The following ST8SIA6 variants were observed in gnomAD, a reference collection of about 807,000 sequenced individuals.
The protein encoded by ST8SIA6 is ST8 alpha-N-acetyl-neuraminide alpha-2,8-sialyltransferase 6.
A neutral mutation model predicts 33.6 loss-of-function variants in ST8SIA6; 39 were observed. That is an observed-to-expected ratio of 1.16 (90% CI 0.90 to 1.52). The LOEUF (loss-of-function observed/expected upper bound fraction) is 1.52. ST8SIA6 is among the 40% of genes most tolerant of loss of function. The probability of loss-of-function intolerance (pLI) is 0.00; values close to 1 mark genes in which losing one functional copy is unlikely to be tolerated. For synonymous variants in ST8SIA6, 172 were observed against 167.2 expected (o/e 1.03, Z -0.22); for missense variants, 441 against 443.8 (o/e 0.99, Z 0.06).
chr10:17,404,268 C>T (rs1851165793), intron 2 of ST8SIA6, among the ~76,000 whole-genome samples: 1 of 151,980 alleles, frequency 6.6e-6, no homozygotes, highest in Admixed American at 6.6e-5. Context: ...AATAACATAC[C>T]CGAAGTCGCT....
rs1388765306 is a variant in ST8SIA6, at chr10:17,454,294, GC to G, written c.-40del. On this transcript the variant is annotated 5_prime_UTR_variant, in exon 1 of 8. Coordinates refer to ENST00000377602, the MANE Select transcript of ST8SIA6 (RefSeq NM_001004470.3). The surrounding 1 kb of genome is among the most constrained non-coding windows in gnomAD (Gnocchi z 4.1). ...CGCCGCCGCCACCGCTGCTGCCGGG[GC>G]GAAGCACAGCCCGGGCGGCCCCGAC... 1.1e-5 allele frequency: 2 copies of G among 189,716 alleles called. No homozygotes were observed. The highest frequency in any genetic ancestry group is 4.8e-5 in the African/African-American group (2 of 41,890). The allele number at this position is 189,716 out of a possible 1,614,324, so 11.8% of individuals were successfully genotyped here.
chr10:17,357,691 C>A (rs1257595428), intron 4 of ST8SIA6, among the ~76,000 whole-genome samples: 1 of 152,196 alleles, frequency 6.6e-6, no homozygotes, highest in African/African-American at 2.4e-5. Context: ...AGTGTCCTCA[C>A]ACAGGTGTTT....
rs1165578414 is a variant in ST8SIA6, at chr10:17,333,672, GATATATATATATATATATATATAT to G, written c.378-2144_378-2121del. Among the ~76,000 whole-genome samples, 119 of 35,216 alleles carry G rather than the reference GATATATATATATATATATATATAT, an allele frequency of 3.4e-3. 5 individuals carry two copies. The highest frequency in any genetic ancestry group is 9.4e-3 in the East Asian group (12 of 1,276). 23.1% of individuals were successfully genotyped at this position (35,216 alleles called of 152,430 possible). ...TTCCCTACTTAATAAATGGTGCTGGGATATATATATATATATATATATATATATATATATATATATATATATTTT... is the reference window on the plus strand; with the variant it reads ...TTCCCTACTTAATAAATGGTGCTGGGATATATATATATATATATATATTTT... On this transcript the variant is annotated intron_variant, in intron 4 of 7. Coordinates refer to ENST00000377602, the MANE Select transcript of ST8SIA6 (RefSeq NM_001004470.3).
At chr10:17,387,476 T>TA (rs934944397) in intron 3 of ST8SIA6, among the ~76,000 whole-genome samples, 16 of 148,872 alleles carry the variant, frequency 1.1e-4, no homozygotes, top group Non-Finnish European at 2.1e-4. Flanking sequence ...CATGTTGGTC[T>TA]GGCTGGTCTC....
chr10:17,386,175 T>TCACA (rs371809115), intron 3 of ST8SIA6, among the ~76,000 whole-genome samples: 210 of 150,186 alleles, frequency 1.4e-3, no homozygotes, highest in East Asian at 5.5e-3. Flanking sequence ...AGTGAGACTG[T>TCACA]CACACACACA....
chr10:17,386,487 C>T (rs571275946), intron 3 of ST8SIA6, among the ~76,000 whole-genome samples: 1 of 151,916 alleles, frequency 6.6e-6, no homozygotes, highest in Admixed American at 6.5e-5. Flanking sequence ...TGCAGTGAGT[C>T]GACATCGCAC....
intron 2 of ST8SIA6, among the ~76,000 whole-genome samples, chr10:17,435,275 G>A (rs1311252060): frequency 2.0e-5 from 3 of 152,100 alleles, no homozygotes; most frequent in Admixed American, 2.0e-4. Context: ...CCTGTCATAT[G>A]TGCTCACCTC....
At chr10:17,395,985 G>A (rs1850791789) in intron 2 of ST8SIA6, among the ~76,000 whole-genome samples, 1 of 152,162 alleles carries the variant, frequency 6.6e-6, no homozygotes, top group Non-Finnish European at 1.5e-5. Context: ...GATAAGTTAT[G>A]GGAGAGACCA....
Position 17,359,617 on chromosome 10 carries a change from A to G in ST8SIA6, c.291-17T>C. Reference sequence around the variant, plus strand: ...TCTGAATACCTAAAAATTAAATGTCAATATAATTAGAAAATAATGATCTCA... The same window carrying G: ...TCTGAATACCTAAAAATTAAATGTCGATATAATTAGAAAATAATGATCTCA... On this transcript the variant is annotated splice_polypyrimidine_tract_variant and intron_variant, in intron 3 of 7. Coordinates refer to ENST00000377602, the MANE Select transcript of ST8SIA6 (RefSeq NM_001004470.3). 6.7e-7 allele frequency: 1 copy of G among 1,486,018 alleles called. No individual in the cohort carries two copies. The highest frequency in any genetic ancestry group is 1.7e-4 in the Middle Eastern group (1 of 5,744). The allele number at this position is 1,486,018 out of a possible 1,614,324, so 92.1% of individuals were successfully genotyped here.
chr10:17,339,040 A>G (rs1180816871), intron 4 of ST8SIA6, among the ~76,000 whole-genome samples: 1 of 152,256 alleles, frequency 6.6e-6, no homozygotes, highest in Non-Finnish European at 1.5e-5. Flanking sequence ...TCACCTTTGC[A>G]TCCAGATGTC....
chr10:17,405,921 C>G (rs1043075161), intron 2 of ST8SIA6, among the ~76,000 whole-genome samples: 1 of 151,754 alleles, frequency 6.6e-6, no homozygotes, highest in African/African-American at 2.4e-5. Context: ...TTATTTAGCC[C>G]TTCTATGATT....
At chr10:17,379,692 C>T (rs552340416) in intron 3 of ST8SIA6, among the ~76,000 whole-genome samples, 12 of 152,164 alleles carry the variant, frequency 7.9e-5, no homozygotes, top group Admixed American at 4.6e-4. Flanking sequence ...CTTTCCAGAC[C>T]GAATCAATGT....
intron 4 of ST8SIA6, among the ~76,000 whole-genome samples, chr10:17,358,355 T>G (rs1849263389): frequency 6.6e-6 from 1 of 152,140 alleles, no homozygotes; most frequent in Admixed American, 6.5e-5. Flanking sequence ...AAGAGCTGCC[T>G]TCCCACATAA....
At chr10:17,431,456 G>T (rs746601679) in intron 2 of ST8SIA6, among the ~76,000 whole-genome samples, 4 of 134,086 alleles carry the variant, frequency 3.0e-5, no homozygotes, top group African/African-American at 7.9e-5. Context: ...TCGTTTTAAG[G>T]GGGGGGAAAG....
At chr10:17,453,730 G>T in intron 1 of ST8SIA6, 73 bp from the exon 2 acceptor site, 2 of 1,148,630 alleles carry the variant, frequency 1.7e-6, no homozygotes, top group Non-Finnish European at 1.1e-6. Flanking sequence ...TGGGAGTCGC[G>T]CTCCTTGCCT....
intron 3 of ST8SIA6, among the ~76,000 whole-genome samples, chr10:17,378,036 T>G (rs1277813200): frequency 1.3e-5 from 2 of 152,162 alleles, no homozygotes; most frequent in Non-Finnish European, 2.9e-5. Context: ...AGAATACCAG[T>G]GCAGGCTAAT....
At chr10:17,417,038 T>C (rs915091264) in intron 2 of ST8SIA6, among the ~76,000 whole-genome samples, 4 of 152,148 alleles carry the variant, frequency 2.6e-5, no homozygotes, top group Non-Finnish European at 5.9e-5. Context: ...GGCTCACAGT[T>C]CTGCAGGCTG....
intron 3 of ST8SIA6, among the ~76,000 whole-genome samples, chr10:17,379,586 C>T (rs1850056434): frequency 6.6e-6 from 1 of 152,152 alleles, no homozygotes; most frequent in Admixed American, 6.5e-5. Flanking sequence ...TAATCAGAAA[C>T]TCAAAAGAAT....
chr10:17,453,632 C>A lies in ST8SIA6; in HGVS notation c.127G>T (p.Ala43Ser), dbSNP rs761774544. The A allele has an allele frequency of 6.0e-6, 8 of 1,324,928 alleles. No homozygotes were observed. In the South Asian group the frequency reaches 1.1e-4, roughly 19 times the overall value. 82.1% of individuals were successfully genotyped at this position (1,324,928 alleles called of 1,614,324 possible). The change falls in exon 2 of 8, where the codon GCC (alanine) becomes TCC (serine). Residue 43 changes from alanine to serine, a missense_variant. Coordinates refer to ENST00000377602, the MANE Select transcript of ST8SIA6 (RefSeq NM_001004470.3). ...AGCGCTGCGGGGGTGCCGTGGGTGG[C>A]CTCCCTGCTTTCCTCCACCAGAATC... ...ARILVEESRE[A>S]THGTPAALRT...
Sources: gnomAD v4.1 joint callset for allele counts (sites outside exome capture counted in the v4.1 genomes callset) on GRCh38, gnomAD v4.1.1 for gene constraint, Gnocchi (gnomAD v3.1) non-coding constraint, MANE v1.5 for transcripts, NCBI Gene and HGNC (gene_info 2026-07-23, HGNC 2026-07-21) for gene names.